Variants in NAA50 observed in about 807,000 individuals in gnomAD.
NAA50 encodes N-alpha-acetyltransferase 50, NatE catalytic subunit.
In NAA50, 7 loss-of-function variants were observed where a neutral mutation model predicts 20.7. The observed-to-expected ratio is 0.34, with a 90% confidence interval of 0.19 to 0.63. The LOEUF is 0.63. Among genes scored for constraint, NAA50 ranks in the 30% least tolerant of loss-of-function variants. The pLI, the probability that NAA50 is intolerant of heterozygous loss-of-function variation, is 0.75. For synonymous variants in NAA50, 54 were observed against 70.6 expected, an observed-to-expected ratio of 0.77 and a Z score of 1.18; for missense variants, 111 against 199.1, an observed-to-expected ratio of 0.56 and a Z score of 2.66.
intron 1 of NAA50, among the ~76,000 whole-genome samples, chr3:113,744,467 A>T (rs74862554): frequency 0.015 from 2,087 of 139,252 alleles, 42 homozygotes; most frequent in African/African-American, 0.052. Flanking sequence ...CTGCCTCATT[A>T]AAAAAAAAAA....
chr3:113,722,291 C>CA (rs1263379333), intron 4 of NAA50, among the ~76,000 whole-genome samples: 1 of 152,026 alleles, frequency 6.6e-6, no homozygotes, highest in African/African-American at 2.4e-5. Context: ...ACTAGGGTCT[C>CA]AAAGCTTGAA....
intron 1 of NAA50, among the ~76,000 whole-genome samples, chr3:113,742,826 T>C (rs1193413451): frequency 2.6e-5 from 4 of 152,240 alleles, no homozygotes; most frequent in Non-Finnish European, 5.9e-5. Flanking sequence ...TAGAACTAAT[T>C]TGCACCTCTT....
chr3:113,722,799 A>G, intron 4 of NAA50, 107 bp downstream of exon 4: 1 of 1,276,748 alleles, frequency 7.8e-7, no homozygotes, highest in Non-Finnish European at 1.1e-6. Flanking sequence ...CTACTTCCAC[A>G]GTGTTTCCAA....
At chr3:113,733,945 T>C (rs1288052622) in intron 1 of NAA50, among the ~76,000 whole-genome samples, 9 of 150,732 alleles carry the variant, frequency 6.0e-5, no homozygotes, top group Admixed American at 1.3e-4. Context: ...ACATCTAGAG[T>C]TTCTTTTGGA....
chr3:113,735,452 G>A (rs1708327163), intron 1 of NAA50, among the ~76,000 whole-genome samples: 1 of 152,168 alleles, frequency 6.6e-6, no homozygotes, highest in Admixed American at 6.5e-5. Flanking sequence ...TCTGCTGAGG[G>A]AAACAAGGGC....
chr3:113,744,521 C>T (rs1292678727), intron 1 of NAA50, among the ~76,000 whole-genome samples: 1 of 151,398 alleles, frequency 6.6e-6, no homozygotes, highest in Non-Finnish European at 1.5e-5. Context: ...AGCAGAAAAA[C>T]AACATTCTCC....
intron 1 of NAA50, among the ~76,000 whole-genome samples, chr3:113,729,668 A>G (rs1360834138): frequency 6.6e-6 from 1 of 151,580 alleles, no homozygotes; most frequent in African/African-American, 2.4e-5. Context: ...TCAGCCTTCC[A>G]AGTAGCTGAG....
rs140908329 is a variant in NAA50 at position 113,727,897 on chromosome 3, T to G, written c.9-3802A>C. On this transcript the variant is annotated intron_variant, in intron 1 of 4. Coordinates refer to ENST00000240922, the MANE Select transcript of NAA50 (RefSeq NM_025146.4). ...TTCAAAATGTTCACTTAATGTAACC[T>G]TGTCAGCAAAACTGAGCTTCAAATA... is the stretch of plus-strand genomic sequence containing the variant. Among the ~76,000 whole-genome samples, 391 of 152,300 alleles carry G rather than the reference T, an allele frequency of 2.6e-3. 4 individuals carry two copies. Among genetic ancestry groups the G allele is most frequent in the East Asian group, 0.014 (75 of 5,190 alleles).
At position 113,718,803 on chromosome 3, in the gene NAA50, T is replaced by C. The variant is rs1414223144; in HGVS notation, c.*2957A>G. 6.6e-6 allele frequency: 1 copy of C among 152,464 alleles called. No homozygotes were observed. Among genetic ancestry groups the C allele is most frequent in the Non-Finnish European group, 1.5e-5 (1 of 68,040 alleles). 9.4% of individuals were successfully genotyped at this position (152,464 alleles called of 1,614,324 possible). On this transcript the variant is annotated 3_prime_UTR_variant, in exon 5 of 5. Transcript: ENST00000240922. The stretch of plus-strand genomic sequence containing the variant: ...AATTGTAGATATTGGGCACTGTACC[T>C]AGCAAGTCACAGAAGATCTGAATTA...
rs968699121 is a variant in NAA50 at position 113,717,915 on chromosome 3, G to C, written c.*3845C>G. 6.6e-6 allele frequency: 1 copy of C among 152,320 alleles called. No individual in the cohort carries two copies. 9.4% of individuals were successfully genotyped at this position (152,320 alleles called of 1,614,324 possible). On this transcript the variant is annotated 3_prime_UTR_variant, in exon 5 of 5. Coordinates refer to ENST00000240922, the MANE Select transcript of NAA50 (RefSeq NM_025146.4). ...GTCAACGAAGCCCAGCATCTTCTCTGAGCAGTGATAGCCAGTCTCCTAGAG... is the reference window on the plus strand; with the variant it reads ...GTCAACGAAGCCCAGCATCTTCTCTCAGCAGTGATAGCCAGTCTCCTAGAG...
At chr3:113,731,959 G>GT (rs907931478) in intron 1 of NAA50, among the ~76,000 whole-genome samples, 1 of 151,906 alleles carries the variant, frequency 6.6e-6, no homozygotes, top group Non-Finnish European at 1.5e-5. Context: ...ATACGCCTTA[G>GT]TTTTTTTTCT....
At chr3:113,723,844 TCA>T in intron 2 of NAA50, 113 bp downstream of exon 2, 1 of 1,202,286 alleles carries the variant, frequency 8.3e-7, no homozygotes, top group Non-Finnish European at 1.1e-6. Context: ...TCCCATTTCC[TCA>T]CTTATAAAAT....
At chr3:113,733,959 G>C (rs561541198) in intron 1 of NAA50, among the ~76,000 whole-genome samples, 11 of 151,500 alleles carry the variant, frequency 7.3e-5, no homozygotes, top group Non-Finnish European at 1.6e-4. Flanking sequence ...TTTTGGAAGT[G>C]CCCCAGCAAA....
In NAA50 at chr3:113,716,773, A is replaced by C. The variant is rs1708055166; in HGVS notation, c.*4987T>G. On this transcript the variant is annotated 3_prime_UTR_variant, in exon 5 of 5. Transcript: ENST00000240922. ...TAAAGCTATGTGGCAAATTAGTTTC[A>C]GTTAAATCAGGAATATCTAATACAA... 6.6e-6 allele frequency: 1 copy of C among 152,252 alleles called. No individual in the cohort carries two copies. The highest frequency in any genetic ancestry group is 6.5e-5 in the Admixed American group (1 of 15,286). The allele number at this position is 152,252 out of a possible 1,614,324, so 9.4% of individuals were successfully genotyped here.
chr3:113,725,479 CA>C (rs949412139), intron 1 of NAA50, among the ~76,000 whole-genome samples: 1 of 150,366 alleles, frequency 6.7e-6, no homozygotes. Context: ...AAAACAGAAA[CA>C]AAAAAAAACA....
chr3:113,720,293 G>A lies in NAA50; in HGVS notation c.*1467C>T, dbSNP rs1419352716. 6.6e-6 allele frequency: 1 copy of A among 152,318 alleles called. No homozygotes were observed. Among genetic ancestry groups the A allele is most frequent in the Non-Finnish European group, 1.5e-5 (1 of 68,006 alleles). The allele number at this position is 152,318 out of a possible 1,614,324, so 9.4% of individuals were successfully genotyped here. ...TTTATACCGCAATTTTACATAAGAG[G>A]ATAAATATGAATGAAACTTCCTTTT... On this transcript the variant is annotated 3_prime_UTR_variant, in exon 5 of 5. Transcript: ENST00000240922.
At chr3:113,744,481 G>T (rs1708462495) in intron 1 of NAA50, among the ~76,000 whole-genome samples, 1 of 150,642 alleles carries the variant, frequency 6.6e-6, no homozygotes, top group Admixed American at 6.6e-5. Flanking sequence ...AAAAAAAAAT[G>T]AAAAGAACAA....
chr3:113,743,017 A>G (rs1487320964), intron 1 of NAA50, among the ~76,000 whole-genome samples: 1 of 152,300 alleles, frequency 6.6e-6, no homozygotes, highest in Non-Finnish European at 1.5e-5. Context: ...CTGGTTCATA[A>G]AAACAGCCAA....
At chr3:113,741,762 GC>G (rs1708420233) in intron 1 of NAA50, among the ~76,000 whole-genome samples, 1 of 152,168 alleles carries the variant, frequency 6.6e-6, no homozygotes, top group Non-Finnish European at 1.5e-5. Context: ...TTTGTTTAGA[GC>G]TTTCCTAAGA....
Sources: allele counts gnomAD v4.1 joint callset (sites outside exome capture counted in the v4.1 genomes callset), GRCh38; gene constraint gnomAD v4.1.1; transcripts MANE v1.5; gene names NCBI Gene and HGNC (gene_info 2026-07-23, HGNC 2026-07-21).